Variants in C12orf42 observed in about 807,000 individuals in gnomAD.
C12orf42 encodes uncharacterized protein C12orf42.
Under a neutral mutation model 21.6 loss-of-function variants are expected in C12orf42, and 25 were observed. The observed-to-expected ratio is 1.16, with a 90% confidence interval of 0.84 to 1.62. The LOEUF (loss-of-function observed/expected upper bound fraction) is 1.62, where lower values mean the gene tolerates loss of function less well. Ranked by LOEUF, C12orf42 falls within the 40% of genes most tolerant of loss-of-function variation. C12orf42 has a pLI of 0.00. For missense variants in C12orf42, 483 were observed against 459.3 expected (o/e 1.05, Z -0.47); for synonymous variants, 174 against 175.0 (o/e 0.99, Z 0.05).
the C12orf42 span, among the ~76,000 whole-genome samples, chr12:103,511,094 GA>G: frequency 6.6e-6 from 1 of 152,068 alleles, no homozygotes; most frequent in Admixed American, 6.5e-5. Context: ...AAACCTCCAA[GA>G]AAAAATGGAG....
the C12orf42 span, among the ~76,000 whole-genome samples, chr12:103,102,834 C>T: frequency 1.1e-4 from 17 of 152,104 alleles, no homozygotes; most frequent in Non-Finnish European, 1.9e-4. Flanking sequence ...ATGCTCCTTT[C>T]TGGAGCTCAG....
chr12:103,250,055 A>ACATC (rs397850621), intron 10 of C12orf42, among the ~76,000 whole-genome samples: 4 of 129,330 alleles, frequency 3.1e-5, no homozygotes, highest in Non-Finnish European at 5.0e-5. Context: ...GAAATCAAAG[A>ACATC]CATCTATCTA....
the C12orf42 span, among the ~76,000 whole-genome samples, chr12:103,075,736 TG>T: frequency 6.6e-6 from 1 of 152,202 alleles, no homozygotes; most frequent in Non-Finnish European, 1.5e-5. Context: ...GAATGAAGTC[TG>T]GATAGCACCT....
chr12:103,258,089 G>A (rs977264783), intron 10 of C12orf42, among the ~76,000 whole-genome samples: 2 of 152,020 alleles, frequency 1.3e-5, no homozygotes, highest in African/African-American at 4.8e-5. Context: ...TATAAGCTCA[G>A]AGTTTTATAT....
the C12orf42 span, among the ~76,000 whole-genome samples, chr12:103,223,383 T>A: frequency 2.6e-5 from 4 of 152,008 alleles, no homozygotes; most frequent in Non-Finnish European, 5.9e-5. Flanking sequence ...CTGGATATGG[T>A]TTTGGATGAA....
chr12:103,368,224 T>G (rs1773251781), intron 4 of C12orf42: 1 of 461,302 alleles, frequency 2.2e-6, no homozygotes, highest in African/African-American at 2.0e-5. Flanking sequence ...AATGATGTTC[T>G]TTTGCTTGTC....
chr12:103,186,737 T>C, the C12orf42 span, among the ~76,000 whole-genome samples: 2 of 152,140 alleles, frequency 1.3e-5, no homozygotes, highest in Admixed American at 1.3e-4. Flanking sequence ...GCTCTTGAGG[T>C]GACACACCTG....
intron 1 of C12orf42, among the ~76,000 whole-genome samples, chr12:103,489,812 A>G (rs1372950699): frequency 1.3e-5 from 2 of 152,228 alleles, no homozygotes; most frequent in Non-Finnish European, 1.5e-5. Context: ...GGAAAAGTAC[A>G]GTATTTGGGC....
At chr12:103,448,032 CA>C (rs1461340614) in intron 2 of C12orf42, among the ~76,000 whole-genome samples, 7 of 151,836 alleles carry the variant, frequency 4.6e-5, no homozygotes, top group Admixed American at 4.6e-4. Flanking sequence ...TCACATTACC[CA>C]ACGTCAAACT....
the C12orf42 span, among the ~76,000 whole-genome samples, chr12:103,077,301 C>A: frequency 6.6e-6 from 1 of 151,596 alleles, no homozygotes; most frequent in Non-Finnish European, 1.5e-5. Flanking sequence ...CAGAAAAGTG[C>A]AAATATTTAA....
chr12:103,338,176 T>C (rs2041879880), intron 4 of C12orf42, among the ~76,000 whole-genome samples: 1 of 152,210 alleles, frequency 6.6e-6, no homozygotes, highest in Non-Finnish European at 1.5e-5. Flanking sequence ...TTTTACATTT[T>C]ACTTATTTTA....
chr12:103,169,944 C>T, the C12orf42 span, among the ~76,000 whole-genome samples: 1 of 151,954 alleles, frequency 6.6e-6, no homozygotes. Context: ...TCCCATTGAG[C>T]TTTTTTCAAC....
intron 2 of C12orf42, among the ~76,000 whole-genome samples, chr12:103,443,151 CAGAG>C (rs1951362560): frequency 6.6e-6 from 1 of 152,118 alleles, no homozygotes; most frequent in African/African-American, 2.4e-5. Context: ...AACACCTACA[CAGAG>C]AATGTTAATT....
chr12:103,346,661 T>C (rs1427151738), intron 4 of C12orf42, among the ~76,000 whole-genome samples: 1 of 152,196 alleles, frequency 6.6e-6, no homozygotes. Context: ...CCTATACAAA[T>C]GCATCTGTTT....
the C12orf42 span, among the ~76,000 whole-genome samples, chr12:103,196,403 A>G: frequency 6.6e-6 from 1 of 151,904 alleles, no homozygotes; most frequent in South Asian, 2.1e-4. Context: ...AGAAGAATGT[A>G]TATTCTGTTG....
intron 4 of C12orf42, among the ~76,000 whole-genome samples, chr12:103,313,825 C>T (rs1330530910): frequency 6.6e-6 from 1 of 152,192 alleles, no homozygotes; most frequent in Non-Finnish European, 1.5e-5. Context: ...TACATTTCTT[C>T]ATTCAAAAAT....
chr12:103,503,067 A>G, the C12orf42 span, among the ~76,000 whole-genome samples: 1 of 152,214 alleles, frequency 6.6e-6, no homozygotes, highest in Non-Finnish European at 1.5e-5. Flanking sequence ...AATTCCTCCA[A>G]CTTCTTCGTA....
chr12:103,190,770 C>T, the C12orf42 span, among the ~76,000 whole-genome samples: 1 of 151,956 alleles, frequency 6.6e-6, no homozygotes, highest in Non-Finnish European at 1.5e-5. Context: ...TATGTGACAC[C>T]ATCGAGTAAA....
the C12orf42 span, among the ~76,000 whole-genome samples, chr12:103,207,608 G>C: frequency 3.6e-4 from 55 of 151,650 alleles, 2 homozygotes; most frequent in Admixed American, 3.4e-3. Flanking sequence ...GATCTTGCTG[G>C]AAAACGACTC....
Sources: gnomAD v4.1 joint callset for allele counts (sites outside exome capture counted in the v4.1 genomes callset) on GRCh38, gnomAD v4.1.1 for gene constraint, MANE v1.5 for transcripts, NCBI Gene and HGNC (gene_info 2026-07-23, HGNC 2026-07-21) for gene names.